The following MCUB variants were observed in gnomAD, a reference collection of about 807,000 sequenced individuals.
MCUB encodes calcium uniporter regulatory subunit MCUb, mitochondrial.
In MCUB, 46 loss-of-function variants were observed where a neutral mutation model predicts 41.4. The observed-to-expected ratio is 1.11, with a 90% CI of 0.88 to 1.42. The LOEUF (loss-of-function observed/expected upper bound fraction) is 1.42, where lower values mean the gene tolerates loss of function less well. MCUB is among the 40% of genes most tolerant of loss of function. MCUB has a pLI of 0.00. For synonymous variants in MCUB, 148 were observed against 148.2 expected, an observed-to-expected ratio of 1.00 and a Z score of 0.01; for missense variants, 403 against 404.9, an observed-to-expected ratio of 1.00 and a Z score of 0.04.
At chr4:109,588,153 C>T (rs1727352118) in intron 1 of MCUB, among the ~76,000 whole-genome samples, 1 of 152,192 alleles carries the variant, frequency 6.6e-6, no homozygotes. Flanking sequence ...GGCCTCTTCA[C>T]ATTAGTGTCC....
At position 109,582,570 on chromosome 4, in the gene MCUB, A is replaced by C. The variant is rs563667104; in HGVS notation, c.99+22134A>C. On this transcript the variant is annotated intron_variant, in intron 1 of 7. Transcript: ENST00000394650. ...AAAATCACAGTTTAACAAAAAAAAAAAAAAAATCCCATTTGTCAATTCTTG... is the reference window on the plus strand; with the variant it reads ...AAAATCACAGTTTAACAAAAAAAAACAAAAAATCCCATTTGTCAATTCTTG... Among the ~76,000 whole-genome samples the C allele has an allele frequency of 9.7e-3, 1,470 of 152,052 alleles. 24 individuals carry two copies. Among genetic ancestry groups the C allele is most frequent in the African/African-American group, 0.033 (1,368 of 41,460 alleles).
chr4:109,658,972 CT>C (rs770851423), intron 1 of MCUB, 38 bp from the exon 2 acceptor site: 8 of 1,140,732 alleles, frequency 7.0e-6, no homozygotes, highest in Non-Finnish European at 9.0e-6. Flanking sequence ...CTTTCCCACT[CT>C]TTTTTTAAAA....
At chr4:109,580,182 A>T (rs541929009) in intron 1 of MCUB, among the ~76,000 whole-genome samples, 1 of 152,292 alleles carries the variant, frequency 6.6e-6, no homozygotes, top group South Asian at 2.1e-4. Context: ...TTCCAGCTGC[A>T]TCCATGTCCC....
chr4:109,598,746 C>A (rs994387064), intron 1 of MCUB, among the ~76,000 whole-genome samples: 2 of 152,196 alleles, frequency 1.3e-5, no homozygotes, highest in African/African-American at 4.8e-5. Context: ...CCGAGAACAT[C>A]AAGCTGAGAC....
intron 1 of MCUB, among the ~76,000 whole-genome samples, chr4:109,631,582 GA>G (rs1469526969): frequency 6.6e-6 from 1 of 152,168 alleles, no homozygotes; most frequent in African/African-American, 2.4e-5. Flanking sequence ...AAAAAAAGAG[GA>G]AGTATAGTTT....
At chr4:109,631,339 T>C (rs1728470579) in intron 1 of MCUB, among the ~76,000 whole-genome samples, 2 of 152,198 alleles carry the variant, frequency 1.3e-5, no homozygotes, top group South Asian at 4.1e-4. Flanking sequence ...AGGAATCTGT[T>C]TTTCTTTTCA....
intron 1 of MCUB, among the ~76,000 whole-genome samples, chr4:109,578,757 C>T (rs568533101): frequency 1.7e-4 from 26 of 152,252 alleles, no homozygotes; most frequent in South Asian, 4.1e-4. Context: ...TCTCCTGCCT[C>T]GGCCTCCCAA....
intron 2 of MCUB, 30 bp from the exon 3 acceptor site, chr4:109,660,165 C>A: frequency 9.1e-7 from 1 of 1,102,766 alleles, no homozygotes; most frequent in South Asian, 1.6e-5. Context: ...GTAAAATTTA[C>A]TCATTTTTTT....
intron 1 of MCUB, among the ~76,000 whole-genome samples, chr4:109,587,717 C>CTA (rs112536439): frequency 0.018 from 2,756 of 152,218 alleles, 61 homozygotes; most frequent in South Asian, 0.072. Flanking sequence ...CATAAAGTAA[C>CTA]ATTTATAAAA....
At chr4:109,603,993 T>C (rs1727812203) in intron 1 of MCUB, among the ~76,000 whole-genome samples, 3 of 152,152 alleles carry the variant, frequency 2.0e-5, no homozygotes, top group African/African-American at 7.2e-5. Context: ...TTACTGTGTC[T>C]GTGTAGAAAG....
chr4:109,574,216 A>G (rs1473306974), intron 1 of MCUB, among the ~76,000 whole-genome samples: 1 of 152,142 alleles, frequency 6.6e-6, no homozygotes, highest in Admixed American at 6.6e-5. Context: ...ATTTGCATTC[A>G]AATATCTGAG....
chr4:109,657,172 C>G (rs1232865749), intron 1 of MCUB, among the ~76,000 whole-genome samples: 1 of 144,656 alleles, frequency 6.9e-6, no homozygotes, highest in African/African-American at 2.6e-5. Context: ...TGAGTTGAAA[C>G]TGCATCACTG....
intron 1 of MCUB, among the ~76,000 whole-genome samples, chr4:109,568,750 G>A (rs1160789901): frequency 1.3e-5 from 2 of 152,122 alleles, no homozygotes; most frequent in African/African-American, 4.8e-5. Context: ...TTCCCACCTG[G>A]ATTCTCAGCA....
At position 109,629,017 on chromosome 4, in the gene MCUB, G is replaced by T. The variant is rs558383822; in HGVS notation, c.100-29994G>T. Among the ~76,000 whole-genome samples the T allele has an allele frequency of 2.2e-4, 34 of 152,308 alleles. No individual in the cohort carries two copies. The South Asian group carries it at 6.9e-3, about 31-fold the overall frequency. On this transcript the variant is annotated intron_variant, in intron 1 of 7. Transcript: ENST00000394650. ...CAGCAGTTTAGGACTTGGTGCTAAA[G>T]AATTATTTGTGGGACCTGTTAGGTA...
rs555168099 is a variant in MCUB, at chr4:109,575,529, G to A, written c.99+15093G>A. ...CTTTATAACGAATCCAGCCACATTC[G>A]TTTAATTAGTTTATTCAATTTAGTG... On this transcript the variant is annotated intron_variant, in intron 1 of 7. Transcript: ENST00000394650. Among the ~76,000 whole-genome samples the A allele has an allele frequency of 3.4e-4, 51 of 152,218 alleles. 1 individual carries two copies. In the South Asian group the frequency reaches 8.5e-3, roughly 25 times the overall value.
chr4:109,598,039 C>T (rs533669418), intron 1 of MCUB, among the ~76,000 whole-genome samples: 10 of 151,390 alleles, frequency 6.6e-5, no homozygotes, highest in South Asian at 2.1e-4. Context: ...GATGGGATGG[C>T]GGCCGGGAAG....
chr4:109,686,986 G>A (rs1409187467), intron 7 of MCUB, among the ~76,000 whole-genome samples: 1 of 151,732 alleles, frequency 6.6e-6, no homozygotes, highest in Non-Finnish European at 1.5e-5. Context: ...AGAATATTAA[G>A]TGGAAAACCA....
At chr4:109,602,594 T>C (rs1373160461) in intron 1 of MCUB, among the ~76,000 whole-genome samples, 1 of 152,228 alleles carries the variant, frequency 6.6e-6, no homozygotes, top group Non-Finnish European at 1.5e-5. Context: ...TACTAGGCTG[T>C]TTTGGTTATG....
intron 1 of MCUB, among the ~76,000 whole-genome samples, chr4:109,601,628 A>T (rs1266486362): frequency 6.6e-6 from 1 of 152,000 alleles, no homozygotes; most frequent in East Asian, 1.9e-4. Context: ...CACTTTCTTT[A>T]TTCATCTGTT....
Sources: allele counts gnomAD v4.1 joint callset (sites outside exome capture counted in the v4.1 genomes callset), GRCh38; gene constraint gnomAD v4.1.1; transcripts MANE v1.5; gene names NCBI Gene and HGNC (gene_info 2026-07-23, HGNC 2026-07-21).